MAF: variants seen among roughly 807,000 people sequenced by gnomAD.
MAF encodes the protein transcription factor Maf.
Under a neutral mutation model 22.0 loss-of-function variants are expected in MAF, and 10 were observed. The ratio of observed to expected loss-of-function variants is 0.45; its 90% confidence interval spans 0.28 to 0.77. MAF has a LOEUF of 0.77. MAF is among the 30% of genes least tolerant of loss of function. The probability of loss-of-function intolerance (pLI) is 0.12; values close to 1 mark genes in which losing one functional copy is unlikely to be tolerated. For synonymous variants in MAF, 337 were observed against 255.8 expected, an observed-to-expected ratio of 1.32 and a Z score of -3.03; for missense variants, 544 against 548.4, an observed-to-expected ratio of 0.99 and a Z score of 0.08.
chr16:79,248,013 C>T, the MAF span, among the ~76,000 whole-genome samples: 1 of 152,100 alleles, frequency 6.6e-6, no homozygotes. Context: ...CAGAATTTTA[C>T]TAAACTGAGT....
At chr16:79,301,319 T>C in the MAF span, among the ~76,000 whole-genome samples, 1 of 152,150 alleles carries the variant, frequency 6.6e-6, no homozygotes, top group Non-Finnish European at 1.5e-5. Context: ...TGGACACTAA[T>C]ATCCACTTCA....
chr16:79,590,568 G>T (rs1913134844), downstream of MAF, among the ~76,000 whole-genome samples: 1 of 152,162 alleles, frequency 6.6e-6, no homozygotes, highest in Non-Finnish European at 1.5e-5. Flanking sequence ...ACTGGGATTG[G>T]ACAGGAGTCA....
the MAF span, among the ~76,000 whole-genome samples, chr16:79,322,295 T>G: frequency 6.6e-6 from 1 of 152,152 alleles, no homozygotes; most frequent in Non-Finnish European, 1.5e-5. Context: ...TGAGTGTTTC[T>G]AAGAAGAGTA....
chr16:79,372,090 C>T, the MAF span, among the ~76,000 whole-genome samples: 1 of 121,746 alleles, frequency 8.2e-6, no homozygotes. Context: ...TTTTTTTTTA[C>T]CCCAAGTGCA....
the MAF span, among the ~76,000 whole-genome samples, chr16:79,385,424 A>G: frequency 1.8e-4 from 27 of 151,976 alleles, no homozygotes; most frequent in Non-Finnish European, 7.4e-5. Context: ...CTTTTTTTTC[A>G]TTTTAAACTC....
the MAF span, among the ~76,000 whole-genome samples, chr16:79,353,288 C>A: frequency 1.3e-5 from 2 of 152,080 alleles, no homozygotes; most frequent in African/African-American, 4.8e-5. Flanking sequence ...ACAACCACAC[C>A]TAGCTAATTT....
chr16:79,211,877 A>C, the MAF span: 6 of 1,589,308 alleles, frequency 3.8e-6, no homozygotes, highest in Non-Finnish European at 5.1e-6. Flanking sequence ...GCCCCTTCCA[A>C]ATGTCCCTCC....
chr16:79,443,591 C>A, the MAF span, among the ~76,000 whole-genome samples: 1 of 152,208 alleles, frequency 6.6e-6, no homozygotes, highest in South Asian at 2.1e-4. Flanking sequence ...TTCTTATACC[C>A]AGCCATTCTC....
chr16:79,325,971 A>C, the MAF span, among the ~76,000 whole-genome samples: 1 of 152,162 alleles, frequency 6.6e-6, no homozygotes, highest in Non-Finnish European at 1.5e-5. Flanking sequence ...GAACAAGGAG[A>C]GGCAGATGAA....
At chr16:79,259,162 A>G in the MAF span, among the ~76,000 whole-genome samples, 1 of 152,150 alleles carries the variant, frequency 6.6e-6, no homozygotes, top group Admixed American at 6.5e-5. Context: ...ATTCCTCACC[A>G]GGCCGGCTGG....
chr16:79,276,419 T>C, the MAF span, among the ~76,000 whole-genome samples: 1 of 152,222 alleles, frequency 6.6e-6, no homozygotes, highest in African/African-American at 2.4e-5. Flanking sequence ...CATTTTTCTG[T>C]CTTTCTGTCT....
chr16:79,541,477 G>GA, the MAF span, among the ~76,000 whole-genome samples: 27 of 145,254 alleles, frequency 1.9e-4, no homozygotes, highest in East Asian at 6.1e-4. Flanking sequence ...CAAACCACCA[G>GA]AAAAAAAAAA....
chr16:79,587,297 C>CA (rs1456692221), intron 1 of MAF, among the ~76,000 whole-genome samples: 1 of 150,996 alleles, frequency 6.6e-6, no homozygotes, highest in Admixed American at 6.6e-5. Context: ...AATTTCTATG[C>CA]AAAAAATAAT....
the MAF span, among the ~76,000 whole-genome samples, chr16:79,565,407 C>T: frequency 6.6e-6 from 1 of 152,174 alleles, no homozygotes; most frequent in African/African-American, 2.4e-5. Flanking sequence ...TATGATATCA[C>T]AACTCTCCCT....
the MAF span, among the ~76,000 whole-genome samples, chr16:79,388,127 G>C: frequency 2.6e-5 from 4 of 152,290 alleles, no homozygotes; most frequent in East Asian, 7.7e-4. Context: ...CCTTCTCAAA[G>C]CTTAAGTGGT....
the MAF span, among the ~76,000 whole-genome samples, chr16:79,299,630 A>G: frequency 2.0e-5 from 3 of 152,228 alleles, no homozygotes; most frequent in African/African-American, 7.2e-5. Flanking sequence ...ATAAAAAGTG[A>G]GGCCCTGGAG....
chr16:79,394,131 A>C, the MAF span, among the ~76,000 whole-genome samples: 1 of 152,130 alleles, frequency 6.6e-6, no homozygotes, highest in Non-Finnish European at 1.5e-5. Context: ...CAGCAAGGAG[A>C]GCAAAATAAA....
the MAF span, among the ~76,000 whole-genome samples, chr16:79,450,827 A>T: frequency 6.6e-6 from 1 of 151,912 alleles, no homozygotes; most frequent in South Asian, 2.1e-4. Context: ...GCCACATTTA[A>T]CATTTTTACA....
chr16:79,597,632 T>C (rs1913612248), intron 1 of MAF: 3 of 1,021,962 alleles, frequency 2.9e-6, no homozygotes, highest in Non-Finnish European at 3.5e-6. Flanking sequence ...CAAAATTTCA[T>C]GGGAAGAAGG....
Sources: gnomAD v4.1 joint callset for allele counts (sites outside exome capture counted in the v4.1 genomes callset) on GRCh38, gnomAD v4.1.1 for gene constraint, MANE v1.5 for transcripts, NCBI Gene and HGNC (gene_info 2026-07-23, HGNC 2026-07-21) for gene names.